Variants in MAPK8 observed in about 807,000 individuals in gnomAD.
MAPK8 encodes mitogen-activated protein kinase 8, also known as JUN N-terminal kinase.
A neutral mutation model predicts 52.9 loss-of-function variants in MAPK8; 13 were observed. The ratio of observed to expected loss-of-function variants is 0.25; its 90% CI spans 0.16 to 0.39. The LOEUF (loss-of-function observed/expected upper bound fraction) is 0.39. Ranked by LOEUF, MAPK8 falls within the 10% of genes least tolerant of loss-of-function variation. The probability of loss-of-function intolerance (pLI) is 1.00; values close to 1 mark genes in which losing one functional copy is unlikely to be tolerated. For synonymous variants in MAPK8, 191 were observed against 169.8 expected (o/e 1.12, Z -0.97); for missense variants, 300 against 519.2 (o/e 0.58, Z 4.10).
rs531367425 is a variant in MAPK8, at chr10:48,386,834, G to A, written c.-49-14778G>A. ...TATATTTTAAAGTAGCCAGAAACAT[G>A]TACTTACTTTACTGCCAAGGATATG... On this transcript the variant is annotated intron_variant, in intron 1 of 11. Coordinates refer to ENST00000374189, the MANE Select transcript of MAPK8 (RefSeq NM_001323329.2). 1.6e-4 allele frequency among the ~76,000 whole-genome samples: 24 copies of A among 152,284 alleles called. 1 individual carries two copies. In the East Asian group the frequency reaches 4.4e-3, roughly 28 times the overall value.
At chr10:48,363,976 T>C (rs192923013) in intron 1 of MAPK8, among the ~76,000 whole-genome samples, 64 of 152,338 alleles carry the variant, frequency 4.2e-4, no homozygotes, top group African/African-American at 1.4e-3. Flanking sequence ...TTTTAGACTT[T>C]AATTCAATTG....
chr10:48,426,928 T>C (rs2043720189), intron 9 of MAPK8, 152 bp from the exon 10 acceptor site: 4 of 579,686 alleles, frequency 6.9e-6, no homozygotes, highest in Non-Finnish European at 1.2e-5. Context: ...CTTCCTAAAC[T>C]ATTATGTCTG....
chr10:48,373,571 CAAAAAA>C (rs539162576), intron 1 of MAPK8, among the ~76,000 whole-genome samples: 7 of 16,840 alleles, frequency 4.2e-4, no homozygotes, highest in Admixed American at 1.3e-3. Context: ...AAATTGAAAG[CAAAAAA>C]AAAAAAAAAA....
At chr10:48,421,509 A>T (rs1319820399) in intron 6 of MAPK8, among the ~76,000 whole-genome samples, 1 of 152,166 alleles carries the variant, frequency 6.6e-6, no homozygotes, top group Non-Finnish European at 1.5e-5. Context: ...AAAAACTGTC[A>T]TATATAGAAT....
chr10:48,427,419 C>T, intron 10 of MAPK8: 4 of 329,846 alleles, frequency 1.2e-5, no homozygotes, highest in Non-Finnish European at 1.7e-5. Flanking sequence ...GTGTCTCCCA[C>T]CTCTCCTCTT....
intron 1 of MAPK8, among the ~76,000 whole-genome samples, chr10:48,343,119 T>C (rs1766542474): frequency 6.6e-6 from 1 of 152,238 alleles, no homozygotes; most frequent in African/African-American, 2.4e-5. Context: ...TTACCAGTTC[T>C]ACTGGCTTGA....
Position 48,434,900 on chromosome 10 carries a change from T to TG in MAPK8, c.1157dup (p.Ser387LeufsTer12). 6.2e-7 allele frequency: 1 copy of TG among 1,613,608 alleles called. No homozygotes were observed. Among genetic ancestry groups the TG allele is most frequent in the African/African-American group, 1.3e-5 (1 of 75,008 alleles). ...ATAGCACAGGTGCAGCAGTGATCAA[T>TG]GGCTCTCAGCATCCATCATCATCGT... On this transcript the variant is annotated frameshift_variant, in exon 12 of 12. Coordinates refer to ENST00000374189, the MANE Select transcript of MAPK8 (RefSeq NM_001323329.2). LOFTEE classifies it high-confidence loss of function.
chr10:48,346,027 A>G (rs1197433456), intron 1 of MAPK8, among the ~76,000 whole-genome samples: 1 of 152,196 alleles, frequency 6.6e-6, no homozygotes, highest in Admixed American at 6.5e-5. Context: ...CAATATGGGA[A>G]GCAGTAACCA....
At chr10:48,321,819 T>G (rs929228800) in intron 1 of MAPK8, among the ~76,000 whole-genome samples, 25 of 152,246 alleles carry the variant, frequency 1.6e-4, no homozygotes, top group African/African-American at 5.8e-4. Context: ...GCAGATTTAT[T>G]TCTGGACTCT....
intron 11 of MAPK8, among the ~76,000 whole-genome samples, chr10:48,434,413 T>G (rs768776924): frequency 6.6e-6 from 1 of 152,236 alleles, no homozygotes; most frequent in African/African-American, 2.4e-5. Flanking sequence ...TTTGAATCAT[T>G]TGAATTTTTC....
chr10:48,424,890 C>T (rs1046851003), intron 7 of MAPK8, among the ~76,000 whole-genome samples: 1 of 152,028 alleles, frequency 6.6e-6, no homozygotes, highest in African/African-American at 2.4e-5. Context: ...TCTAGAAATA[C>T]GTACAACTTA....
At chr10:48,336,303 CTT>C (rs1022672006) in intron 1 of MAPK8, among the ~76,000 whole-genome samples, 11 of 152,208 alleles carry the variant, frequency 7.2e-5, no homozygotes, top group African/African-American at 2.6e-4. Flanking sequence ...ATGGAACACT[CTT>C]TTAAAAAATA....
intron 1 of MAPK8, among the ~76,000 whole-genome samples, chr10:48,365,185 C>G (rs1847916700): frequency 6.6e-6 from 1 of 152,096 alleles, no homozygotes; most frequent in Non-Finnish European, 1.5e-5. Flanking sequence ...CCGTGTAAAA[C>G]AGGAAATATG....
intron 5 of MAPK8, among the ~76,000 whole-genome samples, chr10:48,413,818 T>C (rs780225453): frequency 6.8e-5 from 4 of 58,930 alleles, no homozygotes; most frequent in Non-Finnish European, 1.3e-4. Flanking sequence ...AGAATTGTTA[T>C]ATATATATAT....
chr10:48,428,539 A>G (rs1251828235), intron 10 of MAPK8, among the ~76,000 whole-genome samples: 2 of 152,206 alleles, frequency 1.3e-5, no homozygotes, highest in African/African-American at 2.4e-5. Flanking sequence ...CATGAATTTG[A>G]TTCTTTCTTA....
intron 1 of MAPK8, among the ~76,000 whole-genome samples, chr10:48,389,665 A>G (rs1783881902): frequency 6.6e-6 from 1 of 152,206 alleles, no homozygotes; most frequent in Admixed American, 6.5e-5. Flanking sequence ...GGTTCATTCA[A>G]CACTTTTTTG....
At chr10:48,369,390 A>C (rs1218339965) in intron 1 of MAPK8, among the ~76,000 whole-genome samples, 1 of 152,176 alleles carries the variant, frequency 6.6e-6, no homozygotes, top group Non-Finnish European at 1.5e-5. Context: ...TGATGATAGC[A>C]ATCCCTGAGC....
intron 1 of MAPK8, among the ~76,000 whole-genome samples, chr10:48,374,637 G>T (rs1021331482): frequency 2.0e-5 from 3 of 152,122 alleles, no homozygotes; most frequent in African/African-American, 7.2e-5. Flanking sequence ...AGAAAATCTA[G>T]AAGAAATGGA....
rs576988177 is a variant in MAPK8, at chr10:48,375,760, C to T, written c.-49-25852C>T. ...GAGGGGACACAAACAAATGGAAAAA[C>T]ATTCCATGCCCATGGATAGGAAGAA... is the stretch of plus-strand genomic sequence containing the variant. On this transcript the variant is annotated intron_variant, in intron 1 of 11. Coordinates refer to ENST00000374189, the MANE Select transcript of MAPK8 (RefSeq NM_001323329.2). Among the ~76,000 whole-genome samples, 5 of 152,278 alleles carry T rather than the reference C, an allele frequency of 3.3e-5. No homozygotes were observed. In the East Asian group the frequency reaches 9.6e-4, roughly 29 times the overall value.
Sources: allele counts gnomAD v4.1 joint callset (sites outside exome capture counted in the v4.1 genomes callset), GRCh38; gene constraint gnomAD v4.1.1; transcripts MANE v1.5; gene names NCBI Gene and HGNC (gene_info 2026-07-23, HGNC 2026-07-21).